The following SUN1 variants were observed in gnomAD, a reference collection of about 807,000 sequenced individuals.
SUN1 encodes the protein Sad1 and UNC84 domain containing 1, also known as SUN domain-containing protein 1.
SUN1 carries 61 observed loss-of-function variants against 103.2 expected under a neutral mutation model. That is an observed-to-expected ratio of 0.59 (90% confidence interval 0.48 to 0.73). The LOEUF (loss-of-function observed/expected upper bound fraction) is 0.73, where lower values mean the gene tolerates loss of function less well. SUN1 is among the 30% of genes least tolerant of loss of function. SUN1 has a pLI of 0.00. For missense variants in SUN1, 1,052 were observed against 1,034.6 expected (o/e 1.02, Z -0.23); for synonymous variants, 490 against 425.7 (o/e 1.15, Z -1.86).
upstream of SUN1, among the ~76,000 whole-genome samples, chr7:831,560 G>T (rs536421872): frequency 3.3e-5 from 5 of 152,290 alleles, no homozygotes; most frequent in Non-Finnish European, 7.3e-5. Context: ...GTGAGCCACC[G>T]CACCCGGCCG....
In SUN1 at chr7:857,895, G is replaced by C. The variant is rs1485860057; in HGVS notation, c.1462G>C (p.Glu488Gln). The C allele has an allele frequency of 1.2e-6, 2 of 1,604,012 alleles. No individual in the cohort carries two copies. Among genetic ancestry groups the C allele is most frequent in the Admixed American group, 1.7e-5 (1 of 59,680 alleles). ...GCTGGAGCTGGATCAGCTAAAGTCA[G>C]AGCTGTCCAGCTGGCGACACGTGAA... ...LQLELDQLKS[E>Q]LSSWRHVKTG... The change falls in exon 13 of 19, where the codon GAG (glutamate) becomes CAG (glutamine). Residue 488 changes from glutamate to glutamine, a missense_variant. By Grantham distance (29) the Glu-to-Gln change is conservative (BLOSUM62 2). Coordinates refer to ENST00000401592, the MANE Select transcript of SUN1 (RefSeq NM_001130965.3).
chr7:852,394 C>T, intron 7 of SUN1: 1 of 630,834 alleles, frequency 1.6e-6, no homozygotes, highest in Non-Finnish European at 2.7e-6. Flanking sequence ...CAGGCCATTC[C>T]CACAGCACCA....
intron 1 of SUN1, among the ~76,000 whole-genome samples, chr7:823,133 G>A (rs1787983362): frequency 6.6e-6 from 1 of 152,272 alleles, no homozygotes. Context: ...TGCGTGGCGT[G>A]GAGAGCGCCC....
chr7:851,644 C>G, intron 6 of SUN1, 162 bp downstream of exon 6: 1 of 711,972 alleles, frequency 1.4e-6, no homozygotes, highest in South Asian at 1.9e-5. Context: ...TGTTAACTGA[C>G]TGTACTTGCT....
intron 2 of SUN1, among the ~76,000 whole-genome samples, chr7:840,087 C>G (rs1235271931): frequency 6.6e-6 from 1 of 152,210 alleles, no homozygotes; most frequent in Non-Finnish European, 1.5e-5. Flanking sequence ...CCGTTCCAGT[C>G]ATCTTTCTCT....
intron 5 of SUN1, chr7:848,547 A>G (rs1562669394): frequency 2.7e-5 from 37 of 1,360,876 alleles, no homozygotes; most frequent in Non-Finnish European, 3.5e-5. Context: ...GAAAATTACA[A>G]ATTGAAAACT....
At chr7:859,933 T>C (rs1221557748) in intron 13 of SUN1, among the ~76,000 whole-genome samples, 195 bp from the exon 14 acceptor site, 1 of 152,184 alleles carries the variant, frequency 6.6e-6, no homozygotes, top group Admixed American at 6.5e-5. Flanking sequence ...AGCTCACCTA[T>C]TTCTGTTCTT....
intron 1 of SUN1, among the ~76,000 whole-genome samples, chr7:817,884 A>G (rs112832215): frequency 3.9e-5 from 6 of 152,104 alleles, no homozygotes; most frequent in African/African-American, 1.4e-4. Flanking sequence ...GGCTGGCTTT[A>G]TAATTTTCTT....
intron 18 of SUN1, among the ~76,000 whole-genome samples, chr7:873,009 C>T (rs1342409133): frequency 2.0e-5 from 3 of 152,210 alleles, no homozygotes; most frequent in Non-Finnish European, 4.4e-5. Flanking sequence ...ATCGCTTGAG[C>T]CCGGGAGGTG....
chr7:827,523 G>A (rs145122656), upstream of SUN1, among the ~76,000 whole-genome samples: 5,343 of 148,684 alleles, frequency 0.036, 320 homozygotes, highest in African/African-American at 0.13. Flanking sequence ...AGGCTGGGGT[G>A]CAGTGGCGCA....
At chr7:863,907 A>ACT in intron 15 of SUN1, among the ~76,000 whole-genome samples, 1 of 152,222 alleles carries the variant, frequency 6.6e-6, no homozygotes, top group Non-Finnish European at 1.5e-5. Flanking sequence ...AACTCTTAAC[A>ACT]CTCAATTTGA....
intron 11 of SUN1, among the ~76,000 whole-genome samples, chr7:855,441 G>A (rs1826221453): frequency 6.6e-6 from 1 of 152,258 alleles, no homozygotes; most frequent in Non-Finnish European, 1.5e-5. Flanking sequence ...GGGAATGCCA[G>A]GGGAGGGACT....
chr7:854,616 G>T (rs1233469159), intron 10 of SUN1, among the ~76,000 whole-genome samples: 1 of 152,208 alleles, frequency 6.6e-6, no homozygotes, highest in African/African-American at 2.4e-5. Context: ...CTGGGCTCAG[G>T]CCTGTGGTCC....
In SUN1 at chr7:853,531, G is replaced by C. The variant is rs1159891820; in HGVS notation, c.1176G>C (p.Lys392Asn). Reference protein sequence around the residue: ...NLRELTTLLQKLQARVDQMEG... With the variant: ...NLRELTTLLQNLQARVDQMEG... ...GAGAGCTGACCACTTTGCTACAGAAGCTGCAGGCTCGGGTGGACCAGATGG... is the reference window on the plus strand; with the variant it reads ...GAGAGCTGACCACTTTGCTACAGAACCTGCAGGCTCGGGTGGACCAGATGG... The change falls in exon 10 of 19, where the codon AAG (lysine) becomes AAC (asparagine). Residue 392 changes from lysine to asparagine, a missense_variant. Lys to Asn is a moderately conservative substitution (Grantham distance 94, BLOSUM62 0). Transcript: ENST00000401592. The C allele has an allele frequency of 1.2e-6, 2 of 1,613,496 alleles. No homozygotes were observed. The highest frequency in any genetic ancestry group is 1.7e-6 in the Non-Finnish European group (2 of 1,180,056).
At chr7:836,363 A>G (rs533779574) in intron 1 of SUN1, among the ~76,000 whole-genome samples, 44 of 152,350 alleles carry the variant, frequency 2.9e-4, no homozygotes, top group East Asian at 9.6e-4. Flanking sequence ...GAATAGGTGC[A>G]TAGGAATAGA....
chr7:817,395 C>T, intron 1 of SUN1: 1 of 1,533,798 alleles, frequency 6.5e-7, no homozygotes, highest in Non-Finnish European at 8.7e-7. Flanking sequence ...CTTCAAAGTG[C>T]CCAGAATGGT....
rs1562584226 is a variant in SUN1, at chr7:838,794, CTAGTTCCAGCTATTCT to C, written c.78-2_91del. 1 of 1,536,288 alleles carries C rather than the reference CTAGTTCCAGCTATTCT, an allele frequency of 6.5e-7. No individual in the cohort carries two copies. The highest frequency in any genetic ancestry group is 2.0e-5 in the Admixed American group (1 of 48,932). ...CTTACCTCTGATGAGCTTTTTCCTTCTAGTTCCAGCTATTCTTCAGATGCTCTGGATTTTGAGACGG... is the reference window on the plus strand; with the variant it reads ...CTTACCTCTGATGAGCTTTTTCCTTCTCAGATGCTCTGGATTTTGAGACGG... On this transcript the variant is annotated splice_acceptor_variant and splice_polypyrimidine_tract_variant and coding_sequence_variant and intron_variant, in exon 2 of 19. Transcript: ENST00000401592. LOFTEE classifies it high-confidence loss of function.
intron 6 of SUN1, 81 bp from the exon 7 acceptor site, chr7:851,869 G>T: frequency 7.1e-7 from 1 of 1,414,200 alleles, no homozygotes; most frequent in African/African-American, 1.4e-5. Context: ...CTTCTAGCTT[G>T]GCCTTCACAG....
Position 818,210 on chromosome 7 carries a change from G to T in SUN1, c.-74+1537G>T, listed in dbSNP as rs147471356. Among the ~76,000 whole-genome samples the T allele has an allele frequency of 2.4e-3, 362 of 152,190 alleles. 5 individuals carry two copies. The highest frequency in any genetic ancestry group is 8.4e-3 in the African/African-American group (349 of 41,526). On this transcript the variant is annotated intron_variant, in intron 1 of 17. Coordinates refer to the SUN1 transcript ENST00000389574. ...ACTGCCCATTCTTCCGTCTCCCCAGGCCCCGGCAACGGCTAATCTGCTTTC... is the reference window on the plus strand; with the variant it reads ...ACTGCCCATTCTTCCGTCTCCCCAGTCCCCGGCAACGGCTAATCTGCTTTC...
Sources: gnomAD v4.1 joint callset for allele counts (sites outside exome capture counted in the v4.1 genomes callset) on GRCh38, gnomAD v4.1.1 for gene constraint, MANE v1.5 for transcripts, NCBI Gene and HGNC (gene_info 2026-07-23, HGNC 2026-07-21) for gene names.